The following AGMO variants were observed in gnomAD, a reference collection of about 807,000 sequenced individuals.
AGMO encodes alkylglycerol monooxygenase, also known as glyceryl-ether monooxygenase.
AGMO carries 75 observed loss-of-function variants against 60.2 expected under a neutral mutation model. That is an observed-to-expected ratio of 1.25 (90% confidence interval 1.03 to 1.51). AGMO has a LOEUF of 1.51. Ranked by LOEUF, AGMO falls within the 40% of genes most tolerant of loss-of-function variation. AGMO has a pLI of 0.00. For synonymous variants in AGMO, 261 were observed against 177.1 expected (o/e 1.47, Z -3.76); for missense variants, 763 against 525.5 (o/e 1.45, Z -4.42).
At chr7:15,526,757 A>C (rs1784139498) in intron 3 of AGMO, among the ~76,000 whole-genome samples, 2 of 152,170 alleles carry the variant, frequency 1.3e-5, no homozygotes, top group Admixed American at 6.5e-5. Flanking sequence ...TGCAAATTGA[A>C]GGTTTGTGGC....
At chr7:15,428,132 A>C (rs1459075131) in intron 4 of AGMO, among the ~76,000 whole-genome samples, 1 of 151,556 alleles carries the variant, frequency 6.6e-6, no homozygotes, top group Non-Finnish European at 1.5e-5. Context: ...CTCATGTAAC[A>C]ATGTTGGTGA....
chr7:15,438,200 T>A (rs982493320), intron 3 of AGMO, among the ~76,000 whole-genome samples: 1 of 151,974 alleles, frequency 6.6e-6, no homozygotes, highest in African/African-American at 2.4e-5. Flanking sequence ...ATGTAGGGCT[T>A]ATTGTCATTT....
At chr7:15,324,905 A>G (rs1042697632) in intron 12 of AGMO, among the ~76,000 whole-genome samples, 1 of 152,052 alleles carries the variant, frequency 6.6e-6, no homozygotes, top group Non-Finnish European at 1.5e-5. Context: ...CCGGTTCCTA[A>G]TAGGCCACCA....
At chr7:15,223,284 T>TAGA (rs1781977771) in intron 12 of AGMO, among the ~76,000 whole-genome samples, 1 of 151,962 alleles carries the variant, frequency 6.6e-6, no homozygotes, top group Non-Finnish European at 1.5e-5. Flanking sequence ...TATAGGTTAC[T>TAGA]AGAAATACCA....
At position 15,338,049 on chromosome 7, in the gene AGMO, A is replaced by G. The variant is rs188817459; in HGVS notation, c.1263+27465T>C. On this transcript the variant is annotated intron_variant, in intron 12 of 12. Coordinates refer to ENST00000342526, the MANE Select transcript of AGMO (RefSeq NM_001004320.2). ...TCAGGTGGAAAGGAATGTTTTATAA[A>G]TTACTTTTAGAGTATGTTCATGTAT... is the stretch of plus-strand genomic sequence containing the variant. 1.6e-4 allele frequency among the ~76,000 whole-genome samples: 25 copies of G among 152,330 alleles called. No individual in the cohort carries two copies. In the East Asian group the frequency reaches 4.2e-3, roughly 26 times the overall value.
chr7:15,423,342 T>A (rs924855068), intron 4 of AGMO, among the ~76,000 whole-genome samples: 2 of 152,198 alleles, frequency 1.3e-5, no homozygotes, highest in East Asian at 3.9e-4. Flanking sequence ...TTAAGACATA[T>A]CTACTTAGAT....
the AGMO span, among the ~76,000 whole-genome samples, chr7:15,159,830 G>A: frequency 1.3e-5 from 2 of 152,112 alleles, no homozygotes; most frequent in African/African-American, 4.8e-5. Flanking sequence ...CCATTCATTT[G>A]CTTCTAGTGA....
At chr7:15,165,006 T>C in the AGMO span, among the ~76,000 whole-genome samples, 4 of 152,222 alleles carry the variant, frequency 2.6e-5, 1 homozygote, top group South Asian at 4.1e-4. Flanking sequence ...CAACAGATTA[T>C]TGGATAGAGA....
intron 12 of AGMO, among the ~76,000 whole-genome samples, chr7:15,329,926 T>G (rs1274259806): frequency 6.6e-6 from 1 of 152,092 alleles, no homozygotes; most frequent in Non-Finnish European, 1.5e-5. Flanking sequence ...GCACTGTGCT[T>G]TAGGTCAGAG....
intron 12 of AGMO, among the ~76,000 whole-genome samples, chr7:15,277,307 AAAATAAT>A (rs1783826602): frequency 7.3e-6 from 1 of 136,130 alleles, no homozygotes; most frequent in South Asian, 2.4e-4. Context: ...TCTGTCTCAA[AAAATAAT>A]AAATAAATAA....
intron 12 of AGMO, among the ~76,000 whole-genome samples, chr7:15,348,455 AAG>A (rs1338547702): frequency 1.3e-5 from 2 of 152,126 alleles, no homozygotes; most frequent in African/African-American, 2.4e-5. Context: ...GATCAAATGA[AAG>A]AAAGTTGTAT....
intron 12 of AGMO, among the ~76,000 whole-genome samples, chr7:15,273,283 C>A (rs976369118): frequency 6.6e-6 from 1 of 152,106 alleles, no homozygotes; most frequent in Non-Finnish European, 1.5e-5. Flanking sequence ...AGTCTTCAAT[C>A]CACCTTGAAT....
At position 15,459,301 on chromosome 7, in the gene AGMO, T is replaced by C. The variant is rs116662473; in HGVS notation, c.410-28193A>G. ...AGTGAATAAATCAATATAGTCAGTT[T>C]AAAAGGGTTCGTTTATGCAAAAACA... On this transcript the variant is annotated intron_variant, in intron 3 of 12. Coordinates refer to ENST00000342526, the MANE Select transcript of AGMO (RefSeq NM_001004320.2). Among the ~76,000 whole-genome samples the C allele has an allele frequency of 1.8e-3, 276 of 152,258 alleles. 1 individual carries two copies. Among genetic ancestry groups the C allele is most frequent in the African/African-American group, 6.5e-3 (272 of 41,548 alleles).
intron 12 of AGMO, among the ~76,000 whole-genome samples, chr7:15,253,356 A>G (rs1177848065): frequency 6.6e-6 from 1 of 152,134 alleles, no homozygotes; most frequent in Non-Finnish European, 1.5e-5. Flanking sequence ...GACTTTCCCA[A>G]CTAAACAGGG....
chr7:15,538,230 GTAT>G (rs139373405), intron 3 of AGMO, among the ~76,000 whole-genome samples: 3 of 151,452 alleles, frequency 2.0e-5, no homozygotes, highest in Admixed American at 6.6e-5. Context: ...CAATCACAAT[GTAT>G]TATTATTATT....
the AGMO span, among the ~76,000 whole-genome samples, chr7:15,166,359 G>A: frequency 5.3e-5 from 8 of 152,124 alleles, no homozygotes; most frequent in African/African-American, 1.9e-4. Context: ...AGGGCAGCTG[G>A]GTGTGTGGTA....
chr7:15,280,972 C>G (rs1783949218), intron 12 of AGMO, among the ~76,000 whole-genome samples: 1 of 152,184 alleles, frequency 6.6e-6, no homozygotes, highest in Admixed American at 6.5e-5. Flanking sequence ...AGACATTCCC[C>G]AGCACCAGCC....
At chr7:15,220,776 CTAT>C (rs1413935326) in intron 12 of AGMO, among the ~76,000 whole-genome samples, 12 of 151,850 alleles carry the variant, frequency 7.9e-5, no homozygotes, top group African/African-American at 1.7e-4. Flanking sequence ...ACAACATATG[CTAT>C]TATTATTACC....
At chr7:15,273,614 T>C (rs892006363) in intron 12 of AGMO, among the ~76,000 whole-genome samples, 2 of 152,180 alleles carry the variant, frequency 1.3e-5, no homozygotes, top group Non-Finnish European at 2.9e-5. Context: ...GGCTCTTTTT[T>C]AGTTCCATAT....
Sources: allele counts gnomAD v4.1 joint callset (sites outside exome capture counted in the v4.1 genomes callset), GRCh38; gene constraint gnomAD v4.1.1; transcripts MANE v1.5; gene names NCBI Gene and HGNC (gene_info 2026-07-23, HGNC 2026-07-21).